The following SMAP1 variants were observed in gnomAD, a reference collection of about 807,000 sequenced individuals.
SMAP1 encodes the protein stromal membrane-associated protein 1.
SMAP1 carries 24 observed loss-of-function variants against 58.5 expected under a neutral mutation model. The ratio of observed to expected loss-of-function variants is 0.41; its 90% CI spans 0.30 to 0.58. The LOEUF (loss-of-function observed/expected upper bound fraction) is 0.58, where lower values mean the gene tolerates loss of function less well. SMAP1 is among the 20% of genes least tolerant of loss of function. The probability of loss-of-function intolerance (pLI) is 0.29; values close to 1 mark genes in which losing one functional copy is unlikely to be tolerated. For synonymous variants in SMAP1, 216 were observed against 196.6 expected (o/e 1.10, Z -0.82); for missense variants, 563 against 566.3 (o/e 0.99, Z 0.06).
chr6:70,703,778 T>C (rs983093771), intron 1 of SMAP1, among the ~76,000 whole-genome samples: 49 of 152,220 alleles, frequency 3.2e-4, no homozygotes, highest in African/African-American at 1.2e-3. Flanking sequence ...TCTTGTATGC[T>C]GCCTTATGAA....
At position 70,857,737 on chromosome 6, in the gene SMAP1, T is replaced by C. The variant is rs1047970942; in HGVS notation, c.962-185T>C. The stretch of plus-strand genomic sequence containing the variant: ...TACTCAGGTTAATAACTGATTTGTC[T>C]GCATCCTAGAAACAACCAGCTCTCA... On this transcript the variant is annotated intron_variant, in intron 9 of 10. Coordinates refer to ENST00000370455, the MANE Select transcript of SMAP1 (RefSeq NM_001044305.3). 1.2e-4 allele frequency: 75 copies of C among 603,324 alleles called. 1 individual carries two copies. The highest frequency in any genetic ancestry group is 1.1e-3 in the African/African-American group (58 of 53,980). The allele number at this position is 603,324 out of a possible 1,614,324, so 37.4% of individuals were successfully genotyped here. A position where few individuals can be genotyped will look rare whatever the true frequency, so the allele number is the denominator to read the frequency against.
chr6:70,755,134 C>A, intron 3 of SMAP1, 69 bp downstream of exon 3: 2 of 1,219,912 alleles, frequency 1.6e-6, no homozygotes, highest in South Asian at 1.3e-5. Context: ...CATATTTTAT[C>A]TGTTAGTATT....
rs574578431 is a variant in SMAP1, at chr6:70,768,441, C to G, written c.339-4909C>G. ...CACAATTTCAGCTCCTGTTATTGGT[C>G]TGTTCAGAGAGTCAACTTCTTCCTG... On this transcript the variant is annotated intron_variant, in intron 3 of 10. Coordinates refer to ENST00000370455, the MANE Select transcript of SMAP1 (RefSeq NM_001044305.3). Among the ~76,000 whole-genome samples, 15 of 152,286 alleles carry G rather than the reference C, an allele frequency of 9.8e-5. No homozygotes were observed. In the East Asian group the frequency reaches 2.9e-3, roughly 29 times the overall value.
At chr6:70,774,968 C>T (rs910177518) in intron 4 of SMAP1, among the ~76,000 whole-genome samples, 3 of 151,522 alleles carry the variant, frequency 2.0e-5, no homozygotes, top group African/African-American at 4.9e-5. Flanking sequence ...TGAGATTGAG[C>T]CACTGCACTC....
intron 3 of SMAP1, among the ~76,000 whole-genome samples, chr6:70,771,926 G>C (rs553897145): frequency 6.6e-6 from 1 of 152,168 alleles, no homozygotes; most frequent in African/African-American, 2.4e-5. Flanking sequence ...TTTTCAACCT[G>C]CTTACTCCAG....
chr6:70,857,179 T>G (rs1408328688), intron 9 of SMAP1, 149 bp downstream of exon 9: 2 of 701,654 alleles, frequency 2.9e-6, no homozygotes, highest in Admixed American at 3.6e-5. Flanking sequence ...CCGAAATGAA[T>G]GAGCATTAGA....
chr6:70,833,692 C>T (rs971184539), intron 6 of SMAP1, among the ~76,000 whole-genome samples: 1 of 152,162 alleles, frequency 6.6e-6, no homozygotes, highest in Admixed American at 6.5e-5. Context: ...GATTTGTGCT[C>T]ACATGTGTGT....
At chr6:70,719,882 C>A (rs534383904) in intron 1 of SMAP1, among the ~76,000 whole-genome samples, 40 of 152,258 alleles carry the variant, frequency 2.6e-4, no homozygotes, top group African/African-American at 8.7e-4. Context: ...GGAATTCTGG[C>A]AGATACAATT....
Position 70,860,523 on chromosome 6 carries a change from C to T in SMAP1, c.*189C>T. 1.9e-6 allele frequency: 1 copy of T among 534,828 alleles called. No homozygotes were observed. The allele number at this position is 534,828 out of a possible 1,614,324, so 33.1% of individuals were successfully genotyped here. A position where few individuals can be genotyped will look rare whatever the true frequency, so the allele number is the denominator to read the frequency against. On this transcript the variant is annotated 3_prime_UTR_variant, in exon 11 of 11. Transcript: ENST00000370455. Reference sequence around the variant, plus strand: ...TGTGGTGAAAAGCAGGTTGATAAATCATTTTATGTCAAGGGCAGCTTTGCT... The same window carrying T: ...TGTGGTGAAAAGCAGGTTGATAAATTATTTTATGTCAAGGGCAGCTTTGCT...
At chr6:70,710,014 C>G (rs1767987468) in intron 1 of SMAP1, among the ~76,000 whole-genome samples, 1 of 151,932 alleles carries the variant, frequency 6.6e-6, no homozygotes, top group Non-Finnish European at 1.5e-5. Context: ...GTGGGAGACT[C>G]ATAGAGTGTA....
chr6:70,733,008 G>A (rs1356456063), intron 2 of SMAP1, among the ~76,000 whole-genome samples: 1 of 152,072 alleles, frequency 6.6e-6, no homozygotes, highest in Non-Finnish European at 1.5e-5. Flanking sequence ...CTCTGCTAGA[G>A]GTAGATTTGT....
At chr6:70,859,963 G>A (rs1193461273) in intron 10 of SMAP1, 1 of 388,478 alleles carries the variant, frequency 2.6e-6, no homozygotes, top group Middle Eastern at 7.0e-4. Context: ...GATTGCTTTG[G>A]TATTTTTTTT....
chr6:70,861,801 A>C lies in SMAP1; in HGVS notation c.*1467A>C, dbSNP rs1386272085. On this transcript the variant is annotated 3_prime_UTR_variant, in exon 11 of 11. Coordinates refer to ENST00000370455, the MANE Select transcript of SMAP1 (RefSeq NM_001044305.3). ...AGCGCACTCTTCATGGTGACACTCG[A>C]GGTCGGGCAGCACAAGTGTAATGAA... 1 of 1,614,036 alleles carries C rather than the reference A, an allele frequency of 6.2e-7. No homozygotes were observed.
chr6:70,817,144 T>A (rs1185734577), intron 6 of SMAP1, among the ~76,000 whole-genome samples: 2 of 149,950 alleles, frequency 1.3e-5, no homozygotes, highest in African/African-American at 4.9e-5. Flanking sequence ...ATATATTTTT[T>A]TTTTGCCATA....
intron 7 of SMAP1, among the ~76,000 whole-genome samples, chr6:70,846,385 G>C (rs1770990552): frequency 6.6e-6 from 1 of 152,204 alleles, no homozygotes. Context: ...GACGAAGCAG[G>C]TGGGACTGGT....
intron 2 of SMAP1, among the ~76,000 whole-genome samples, chr6:70,733,943 G>C (rs1411883854): frequency 6.6e-6 from 1 of 152,070 alleles, no homozygotes; most frequent in Non-Finnish European, 1.5e-5. Context: ...TTTGTAATCA[G>C]AGGGCTGCAG....
chr6:70,694,924 A>G (rs1323573579), intron 1 of SMAP1, among the ~76,000 whole-genome samples: 3 of 152,196 alleles, frequency 2.0e-5, no homozygotes, highest in Non-Finnish European at 4.4e-5. Context: ...GAATCTTTCA[A>G]TCCATGAACA....
At chr6:70,759,661 C>A (rs1363856470) in intron 3 of SMAP1, among the ~76,000 whole-genome samples, 1 of 151,998 alleles carries the variant, frequency 6.6e-6, no homozygotes, top group African/African-American at 2.4e-5. Flanking sequence ...TTTTATGATG[C>A]ACCTTAGAGA....
At chr6:70,789,081 A>G (rs550160829) in intron 4 of SMAP1, among the ~76,000 whole-genome samples, 116 of 152,136 alleles carry the variant, frequency 7.6e-4, no homozygotes, top group Middle Eastern at 6.8e-3. Flanking sequence ...TGTGTTCTGT[A>G]CTGTCACTTG....
Sources: allele counts gnomAD v4.1 joint callset (sites outside exome capture counted in the v4.1 genomes callset), GRCh38; gene constraint gnomAD v4.1.1; transcripts MANE v1.5; gene names NCBI Gene and HGNC (gene_info 2026-07-23, HGNC 2026-07-21).